The following AKR1D1 variants were observed in gnomAD, a reference collection of about 807,000 sequenced individuals.
AKR1D1 encodes aldo-keto reductase family 1 member D1.
In AKR1D1, 32 loss-of-function variants were observed where a neutral mutation model predicts 42.6. That is an observed-to-expected ratio of 0.75 (90% CI 0.57 to 1.01). The LOEUF is 1.01. Ranked by LOEUF, AKR1D1 falls within the 50% of genes least tolerant of loss-of-function variation. The probability of loss-of-function intolerance (pLI) is 0.00; values close to 1 mark genes in which losing one functional copy is unlikely to be tolerated. For missense variants in AKR1D1, 364 were observed against 402.2 expected (o/e 0.91, Z 0.81); for synonymous variants, 123 against 135.5 (o/e 0.91, Z 0.64).
chr7:138,103,194 A>G (rs935050989), intron 4 of AKR1D1, among the ~76,000 whole-genome samples: 62 of 152,170 alleles, frequency 4.1e-4, no homozygotes, highest in Admixed American at 5.2e-4. Context: ...GGTCCGATTG[A>G]TGTACTAAGT....
At chr7:138,085,583 T>C (rs1326771263) in intron 1 of AKR1D1, among the ~76,000 whole-genome samples, 1 of 151,962 alleles carries the variant, frequency 6.6e-6, no homozygotes, top group African/African-American at 2.4e-5. Flanking sequence ...TAGCTGGGAT[T>C]ACAGGTGTCT....
intron 1 of AKR1D1, among the ~76,000 whole-genome samples, chr7:138,079,326 A>G (rs907145386): frequency 2.0e-5 from 3 of 152,210 alleles, no homozygotes; most frequent in Non-Finnish European, 4.4e-5. Flanking sequence ...GGCAGAAAGC[A>G]TAAATGAGTA....
Position 138,085,601 on chromosome 7 carries a change from C to T in AKR1D1, c.94-3000C>T, listed in dbSNP as rs370232101. ...CTGGGATTACAGGTGTCTACCACCACGCCTGGCTACATTTTGTATTTTTTA... is the reference window on the plus strand; with the variant it reads ...CTGGGATTACAGGTGTCTACCACCATGCCTGGCTACATTTTGTATTTTTTA... On this transcript the variant is annotated intron_variant, in intron 1 of 8. Coordinates refer to ENST00000242375, the MANE Select transcript of AKR1D1 (RefSeq NM_005989.4). Among the ~76,000 whole-genome samples, 151 of 152,020 alleles carry T rather than the reference C, an allele frequency of 9.9e-4. 1 individual carries two copies. The highest frequency in any genetic ancestry group is 3.1e-3 in the African/African-American group (128 of 41,492).
At position 138,117,090 on chromosome 7, in the gene AKR1D1, C is replaced by T. The variant is rs201273135; in HGVS notation, c.*428C>T. On this transcript the variant is annotated 3_prime_UTR_variant, in exon 9 of 9. Transcript: ENST00000242375. ...CCTTGAGGCTTTGGACCATTGGTTA[C>T]AAAACAGACACAGCCAAGATAAGAT... 5 of 162,786 alleles carry T rather than the reference C, an allele frequency of 3.1e-5. No homozygotes were observed. The highest frequency in any genetic ancestry group is 6.0e-5 in the Admixed American group (1 of 16,720). The allele number at this position is 162,786 out of a possible 1,614,324, so 10.1% of individuals were successfully genotyped here.
intron 8 of AKR1D1, among the ~76,000 whole-genome samples, chr7:138,114,367 T>G (rs920528813): frequency 9.2e-5 from 14 of 152,122 alleles, no homozygotes; most frequent in African/African-American, 3.4e-4. Context: ...TACAGGCCCT[T>G]TAAAAAAGAA....
intron 1 of AKR1D1, among the ~76,000 whole-genome samples, chr7:138,084,402 A>G (rs1803125551): frequency 6.6e-6 from 1 of 151,718 alleles, no homozygotes; most frequent in Admixed American, 6.6e-5. Flanking sequence ...TATTTTTTAT[A>G]GAGATGGGGT....
At chr7:138,102,668 G>A (rs1794341404) in intron 4 of AKR1D1, among the ~76,000 whole-genome samples, 1 of 152,160 alleles carries the variant, frequency 6.6e-6, no homozygotes, top group Non-Finnish European at 1.5e-5. Flanking sequence ...GGAACATATA[G>A]ATCAATAAAA....
intron 6 of AKR1D1, 57 bp downstream of exon 6, chr7:138,106,774 C>T: frequency 7.5e-7 from 1 of 1,331,648 alleles, no homozygotes; most frequent in Non-Finnish European, 1.1e-6. Flanking sequence ...CTCATGTGAA[C>T]TACTGTATTT....
chr7:138,086,826 GA>G (rs1233842513), intron 1 of AKR1D1, among the ~76,000 whole-genome samples: 1 of 152,170 alleles, frequency 6.6e-6, no homozygotes, highest in African/African-American at 2.4e-5. Context: ...GCACAAATCA[GA>G]AAATAGAATC....
intron 4 of AKR1D1, among the ~76,000 whole-genome samples, chr7:138,100,072 T>C (rs1386783355): frequency 6.5e-5 from 5 of 76,592 alleles, no homozygotes; most frequent in Non-Finnish European, 1.1e-4. Flanking sequence ...CTGGGCAATA[T>C]AGCGAGATTT....
rs1794406488 is a variant in AKR1D1 at position 138,105,549 on chromosome 7, G to A, written c.579+120G>A. 2.8e-6 allele frequency: 4 copies of A among 1,426,858 alleles called. No homozygotes were observed. The South Asian group carries it at 4.9e-5, about 18-fold the overall frequency. The allele number at this position is 1,426,858 out of a possible 1,614,324, so 88.4% of individuals were successfully genotyped here. On this transcript the variant is annotated intron_variant, in intron 5 of 8. Transcript: ENST00000242375. The stretch of plus-strand genomic sequence containing the variant: ...TTGCTCCACCTAAATCTCATCATGG[G>A]ACCCTGTGCAAGTCTTTAGACTTCT...
At chr7:138,102,102 T>C (rs1414699860) in intron 4 of AKR1D1, among the ~76,000 whole-genome samples, 1 of 152,002 alleles carries the variant, frequency 6.6e-6, no homozygotes, top group Non-Finnish European at 1.5e-5. Context: ...TCCCAGCTAC[T>C]TGAAAGGCTG....
At chr7:138,097,476 G>A (rs1794205875) in intron 3 of AKR1D1, among the ~76,000 whole-genome samples, 1 of 152,232 alleles carries the variant, frequency 6.6e-6, no homozygotes, top group African/African-American at 2.4e-5. Flanking sequence ...GAATTACACA[G>A]TCACAAGGCA....
intron 7 of AKR1D1, among the ~76,000 whole-genome samples, chr7:138,109,445 T>C (rs1794495467): frequency 6.6e-6 from 1 of 151,892 alleles, no homozygotes; most frequent in African/African-American, 2.4e-5. Context: ...CAGTGAAGAG[T>C]GAAGATGATC....
chr7:138,098,480 G>T (rs368035435), intron 4 of AKR1D1, among the ~76,000 whole-genome samples: 1 of 151,972 alleles, frequency 6.6e-6, no homozygotes, highest in East Asian at 1.9e-4. Flanking sequence ...CGTGGTGGTG[G>T]GCGCCTATAA....
At chr7:138,085,086 A>G (rs1177701812) in intron 1 of AKR1D1, among the ~76,000 whole-genome samples, 1 of 150,232 alleles carries the variant, frequency 6.7e-6, no homozygotes, top group Admixed American at 6.7e-5. Context: ...AGAATTACAA[A>G]GTGTGGTCCT....
At position 138,105,398 on chromosome 7, in the gene AKR1D1, C is replaced by A. The variant is rs1443481439; in HGVS notation, c.548C>A (p.Pro183Gln). The change falls in exon 5 of 9, where the codon CCA becomes CAA. Residue 183 changes from proline to glutamine, a missense_variant. By Grantham distance (76) the Pro-to-Gln change is moderately conservative. Coordinates refer to ENST00000242375, the MANE Select transcript of AKR1D1 (RefSeq NM_005989.4). ...RRQLELILNK[P>Q]GLKHKPVSNQ... ...CAGCTGGAGCTCATCCTGAACAAGC[C>A]AGGACTCAAACACAAGCCAGTCAGC... is the stretch of plus-strand genomic sequence containing the variant. 1 of 1,613,994 alleles carries A rather than the reference C, an allele frequency of 6.2e-7. No homozygotes were observed. Among genetic ancestry groups the A allele is most frequent in the South Asian group, 1.1e-5 (1 of 91,078 alleles).
At chr7:138,108,443 T>A (rs1329553278) in intron 7 of AKR1D1, among the ~76,000 whole-genome samples, 1 of 152,186 alleles carries the variant, frequency 6.6e-6, no homozygotes, top group Admixed American at 6.5e-5. Context: ...ATAATCAAAA[T>A]ACTTGGTAAT....
At chr7:138,083,233 C>T (rs1336054248) in intron 1 of AKR1D1, among the ~76,000 whole-genome samples, 1 of 152,140 alleles carries the variant, frequency 6.6e-6, no homozygotes, top group Non-Finnish European at 1.5e-5. Context: ...TGATAATAGT[C>T]ATCCTAATGG....
Sources: gnomAD v4.1 joint callset for allele counts (sites outside exome capture counted in the v4.1 genomes callset) on GRCh38, gnomAD v4.1.1 for gene constraint, MANE v1.5 for transcripts, NCBI Gene and HGNC (gene_info 2026-07-23, HGNC 2026-07-21) for gene names.